Variants in PDZD2 observed in about 807,000 individuals in gnomAD.
The protein encoded by PDZD2 is PDZ domain-containing protein 2.
In PDZD2, 90 loss-of-function variants were observed where a neutral mutation model predicts 220.7. That is an observed-to-expected ratio of 0.41 (90% CI 0.34 to 0.49). The LOEUF (loss-of-function observed/expected upper bound fraction) is 0.49, where lower values mean the gene tolerates loss of function less well. Ranked by LOEUF, PDZD2 falls within the 20% of genes least tolerant of loss-of-function variation. The pLI is 0.28. For synonymous variants in PDZD2, 1,375 were observed against 1,450.5 expected (o/e 0.95, Z 1.18); for missense variants, 3,174 against 3,608.5 (o/e 0.88, Z 3.08).
chr5:32,024,404 C>T (rs186883443), intron 6 of PDZD2, among the ~76,000 whole-genome samples: 111 of 152,188 alleles, frequency 7.3e-4, no homozygotes, highest in African/African-American at 2.1e-3. Flanking sequence ...TTAACGGGGC[C>T]GGGCATGGTG....
At chr5:31,924,140 CCA>C (rs1744534793) in intron 2 of PDZD2, among the ~76,000 whole-genome samples, 1 of 152,194 alleles carries the variant, frequency 6.6e-6, no homozygotes, top group African/African-American at 2.4e-5. Flanking sequence ...CAAGCTCTCC[CCA>C]CAGTCTTAGT....
chr5:31,681,263 T>C (rs770514397), intron 1 of PDZD2, among the ~76,000 whole-genome samples: 1 of 152,230 alleles, frequency 6.6e-6, no homozygotes, highest in Non-Finnish European at 1.5e-5. Context: ...CTTTGTTTTG[T>C]TGAGACAGAG....
At chr5:31,662,853 A>C (rs545880206) in intron 1 of PDZD2, among the ~76,000 whole-genome samples, 1 of 152,206 alleles carries the variant, frequency 6.6e-6, no homozygotes, top group South Asian at 2.1e-4. Flanking sequence ...GATGGTCTTG[A>C]TCTCCTGACC....
chr5:31,694,665 G>A (rs938241079), intron 1 of PDZD2, among the ~76,000 whole-genome samples: 1 of 151,870 alleles, frequency 6.6e-6, no homozygotes, highest in African/African-American at 2.4e-5. Context: ...CTGTGGCTGC[G>A]TCTTTCCCCA....
chr5:32,032,870 A>G (rs1755234405), intron 6 of PDZD2, among the ~76,000 whole-genome samples: 1 of 152,182 alleles, frequency 6.6e-6, no homozygotes, highest in African/African-American at 2.4e-5. Flanking sequence ...CGGATTCTCA[A>G]CCACTCTGCC....
chr5:31,892,755 C>CG (rs377483871), intron 2 of PDZD2, among the ~76,000 whole-genome samples: 4,662 of 17,876 alleles, frequency 0.26, 139 homozygotes, highest in African/African-American at 0.36. Flanking sequence ...TGTGGGTGGG[C>CG]GGGGGGGGTC....
chr5:31,982,830 A>G (rs1189507555), intron 2 of PDZD2, among the ~76,000 whole-genome samples: 2 of 152,168 alleles, frequency 1.3e-5, no homozygotes, highest in Non-Finnish European at 2.9e-5. Context: ...GGAGTGAAGA[A>G]GAATTTTATT....
chr5:31,725,489 A>G (rs991502921), intron 1 of PDZD2: 31 of 1,243,652 alleles, frequency 2.5e-5, no homozygotes, highest in Middle Eastern at 4.0e-4. Flanking sequence ...CTATGAGTAA[A>G]TGAATGATCC....
intron 2 of PDZD2, among the ~76,000 whole-genome samples, chr5:31,869,012 A>G (rs1346927871): frequency 6.6e-6 from 1 of 152,156 alleles, no homozygotes; most frequent in Non-Finnish European, 1.5e-5. Flanking sequence ...GCCTCAAATG[A>G]TCTGCCTGCT....
At chr5:31,773,133 G>A (rs1298980319) in intron 1 of PDZD2, among the ~76,000 whole-genome samples, 1 of 152,184 alleles carries the variant, frequency 6.6e-6, no homozygotes, top group African/African-American at 2.4e-5. Context: ...GGTACAGGGA[G>A]CATGTAGGAA....
intron 1 of PDZD2, among the ~76,000 whole-genome samples, chr5:31,734,962 C>A (rs1037242825): frequency 2.6e-5 from 4 of 152,250 alleles, no homozygotes; most frequent in Non-Finnish European, 5.9e-5. Flanking sequence ...TGTTTACATG[C>A]ATCAGTAAAT....
Position 31,893,338 on chromosome 5 carries a change from A to G in PDZD2, c.477-89817A>G, listed in dbSNP as rs562490076. Among the ~76,000 whole-genome samples the G allele has an allele frequency of 2.5e-3, 380 of 152,306 alleles. 3 individuals carry two copies. The highest frequency in any genetic ancestry group is 4.1e-3 in the Non-Finnish European group (281 of 68,036). Reference sequence around the variant, plus strand: ...GTAATCTCAGCACTTTGGGAGACCAAGGTGGGCGGATTGCTTGACCCCAGG... The same window carrying G: ...GTAATCTCAGCACTTTGGGAGACCAGGGTGGGCGGATTGCTTGACCCCAGG... On this transcript the variant is annotated intron_variant, in intron 2 of 24. Transcript: ENST00000438447.
At chr5:31,793,792 G>C (rs994723315) in intron 1 of PDZD2, among the ~76,000 whole-genome samples, 2 of 152,212 alleles carry the variant, frequency 1.3e-5, no homozygotes, top group Admixed American at 1.3e-4. Context: ...GGGCAACAGA[G>C]TGAAACTGTC....
At chr5:31,794,393 C>CA (rs1753893170) in intron 1 of PDZD2, among the ~76,000 whole-genome samples, 1 of 105,288 alleles carries the variant, frequency 9.5e-6, no homozygotes, top group Non-Finnish European at 1.9e-5. Flanking sequence ...TTCTTTCTTT[C>CA]TTTTTTTTTT....
rs143219842 is a variant in PDZD2, at chr5:32,016,891, G to T, written c.1407+6409G>T. On this transcript the variant is annotated intron_variant, in intron 6 of 24. Coordinates refer to ENST00000438447, the MANE Select transcript of PDZD2 (RefSeq NM_178140.4). ...AGATCGTAGTGACATTGTTATTCAA[G>T]TGACAGCTCATTTAATGTCATCCTC... 5.3e-5 allele frequency among the ~76,000 whole-genome samples: 8 copies of T among 152,288 alleles called. No homozygotes were observed. The East Asian group carries it at 1.5e-3, about 29-fold the overall frequency.
intron 2 of PDZD2, among the ~76,000 whole-genome samples, chr5:31,870,089 T>C (rs1055669467): frequency 6.6e-6 from 1 of 152,138 alleles, no homozygotes; most frequent in Admixed American, 6.6e-5. Flanking sequence ...GAGGCACCTG[T>C]TTCTGTGTTC....
chr5:32,045,940 C>A (rs960735703), intron 7 of PDZD2, among the ~76,000 whole-genome samples: 2 of 151,900 alleles, frequency 1.3e-5, no homozygotes, highest in Non-Finnish European at 2.9e-5. Flanking sequence ...TTATTCAGTG[C>A]AAAACTTTCA....
At chr5:32,006,891 T>C (rs1395197073) in intron 5 of PDZD2, among the ~76,000 whole-genome samples, 1 of 148,310 alleles carries the variant, frequency 6.7e-6, no homozygotes, top group African/African-American at 2.5e-5. Flanking sequence ...GATTTCACTA[T>C]GTTAGCCATG....
rs894041662 is a variant in PDZD2, at chr5:32,087,834, C to T, written c.4386C>T (p.Ala1462=). 26 of 1,611,832 alleles carry T rather than the reference C, an allele frequency of 1.6e-5. No homozygotes were observed. The highest frequency in any genetic ancestry group is 3.3e-4 in the Middle Eastern group (2 of 6,056). The change falls in exon 20 of 25, where the codon GCC becomes GCT. Residue 1462 remains alanine, a synonymous_variant. Coordinates refer to ENST00000438447, the MANE Select transcript of PDZD2 (RefSeq NM_178140.4). This position sits in a 1 kb window ranked among gnomAD's most constrained non-coding sequence, Gnocchi z 4.0. The part of the protein sequence containing the change: ...QEGSAQGHPP[A]GAGGGSSCRA... ...GCAGTGCTCAGGGCCACCCACCAGC[C>T]GGGGCTGGAGGTGGGAGCTCCTGCC... is the stretch of plus-strand genomic sequence containing the variant.
Sources: gnomAD v4.1 joint callset for allele counts (sites outside exome capture counted in the v4.1 genomes callset) on GRCh38, gnomAD v4.1.1 for gene constraint, Gnocchi (gnomAD v3.1) non-coding constraint, MANE v1.5 for transcripts, NCBI Gene and HGNC (gene_info 2026-07-23, HGNC 2026-07-21) for gene names.